Variants in WDR27 observed in about 807,000 individuals in gnomAD.
WDR27 encodes the protein WD repeat-containing protein 27.
A neutral mutation model predicts 114.4 loss-of-function variants in WDR27; 100 were observed. The ratio of observed to expected loss-of-function variants is 0.87; its 90% CI spans 0.74 to 1.03. The LOEUF (loss-of-function observed/expected upper bound fraction) is 1.03, where lower values mean the gene tolerates loss of function less well. Among genes scored for constraint, WDR27 ranks in the 50% least tolerant of loss-of-function variants. The pLI, the probability that WDR27 is intolerant of heterozygous loss-of-function variation, is 0.00. For synonymous variants in WDR27, 449 were observed against 423.1 expected (o/e 1.06, Z -0.75); for missense variants, 1,129 against 1,092.9 (o/e 1.03, Z -0.47).
At chr6:169,647,061 G>C (rs994228742) in intron 16 of WDR27, among the ~76,000 whole-genome samples, 1 of 152,156 alleles carries the variant, frequency 6.6e-6, no homozygotes, top group Non-Finnish European at 1.5e-5. Context: ...CAGGGGCACA[G>C]CTTGCCTGCA....
chr6:169,460,474 T>C (rs1784778350), intron 25 of WDR27, among the ~76,000 whole-genome samples: 1 of 152,062 alleles, frequency 6.6e-6, no homozygotes, highest in Non-Finnish European at 1.5e-5. Context: ...CTGAAGCATT[T>C]ACCTAAAAAA....
intron 23 of WDR27, among the ~76,000 whole-genome samples, chr6:169,584,923 A>G (rs145251356): frequency 9.9e-4 from 151 of 152,350 alleles, no homozygotes; most frequent in Middle Eastern, 3.4e-3. Flanking sequence ...TTACAAAGCT[A>G]TAATAACTAA....
the WDR27 span, among the ~76,000 whole-genome samples, chr6:169,446,592 G>A: frequency 2.6e-5 from 4 of 152,316 alleles, no homozygotes; most frequent in Middle Eastern, 3.4e-3. Context: ...TTATGTAATC[G>A]TGAAAGAAAA....
chr6:169,468,189 A>G (rs1785859040), intron 25 of WDR27, among the ~76,000 whole-genome samples: 1 of 152,220 alleles, frequency 6.6e-6, no homozygotes, highest in African/African-American at 2.4e-5. Context: ...ATCATTGTCC[A>G]TATCACTATC....
At chr6:169,657,428 G>A (rs951630026) in intron 13 of WDR27, among the ~76,000 whole-genome samples, 3 of 152,224 alleles carry the variant, frequency 2.0e-5, no homozygotes, top group Non-Finnish European at 4.4e-5. Context: ...CCCGGCCCGG[G>A]GAGAGGCCCA....
chr6:169,532,815 A>G (rs2128082276), intron 25 of WDR27, among the ~76,000 whole-genome samples: 1 of 152,088 alleles, frequency 6.6e-6, no homozygotes, highest in Admixed American at 6.5e-5. Flanking sequence ...AAAAACAGGA[A>G]AACTTAAAAT....
In WDR27 at chr6:169,658,770, G is replaced by A. The variant is rs573387901; in HGVS notation, c.1319+316C>T. On this transcript the variant is annotated intron_variant, in intron 12 of 25. Transcript: ENST00000448612. ...GCGATCTCAGCTCACTGCAAGCTCC[G>A]CCTCCCGGGTTCCCACCATTCTTCT... Among the ~76,000 whole-genome samples the A allele has an allele frequency of 4.0e-5, 6 of 150,110 alleles. No homozygotes were observed. In the East Asian group the frequency reaches 8.0e-4, roughly 20 times the overall value.
chr6:169,595,767 C>T (rs1472705548), intron 23 of WDR27, among the ~76,000 whole-genome samples: 1 of 142,272 alleles, frequency 7.0e-6, no homozygotes, highest in Non-Finnish European at 1.5e-5. Context: ...TTCAATCTTA[C>T]CTTGGTTTTA....
At chr6:169,641,704 G>A (rs112120311) in intron 17 of WDR27, among the ~76,000 whole-genome samples, 4,359 of 152,294 alleles carry the variant, frequency 0.029, 152 homozygotes, top group African/African-American at 0.085. Context: ...CAGGAGAGAT[G>A]CGCATCTTCA....
intron 25 of WDR27, among the ~76,000 whole-genome samples, chr6:169,503,757 A>G (rs1791639401): frequency 6.6e-6 from 1 of 151,578 alleles, no homozygotes; most frequent in Admixed American, 6.6e-5. Context: ...TGCATTTTCA[A>G]TTTCTAGTCA....
intron 16 of WDR27, among the ~76,000 whole-genome samples, chr6:169,645,008 C>CAAAAAAA (rs1194294838): frequency 1.2e-4 from 1 of 8,184 alleles, no homozygotes; most frequent in Non-Finnish European, 1.9e-4. Flanking sequence ...GACTCCGTCT[C>CAAAAAAA]AAAAAAAAAA....
intron 2 of WDR27, among the ~76,000 whole-genome samples, chr6:169,687,387 G>GA (rs899661903): frequency 2.0e-5 from 3 of 151,650 alleles, no homozygotes; most frequent in African/African-American, 7.3e-5. Flanking sequence ...CAAATCAATA[G>GA]AAAAAAGACA....
At chr6:169,472,259 G>A (rs1786519324) in intron 25 of WDR27, among the ~76,000 whole-genome samples, 1 of 152,310 alleles carries the variant, frequency 6.6e-6, no homozygotes, top group South Asian at 2.1e-4. Flanking sequence ...GAGTCTGCTA[G>A]ATACATACAT....
At chr6:169,445,363 T>C in the WDR27 span, among the ~76,000 whole-genome samples, 1 of 152,146 alleles carries the variant, frequency 6.6e-6, no homozygotes, top group Non-Finnish European at 1.5e-5. Context: ...CCGCAGGTCA[T>C]GATCATGAGC....
At position 169,695,320 on chromosome 6, in the gene WDR27, G is replaced by A. The variant is rs191323078; in HGVS notation, c.-8+6231C>T. ...GGAGTGGCTCCTAGCTTTCTGGCCT[G>A]AACAACAAGAGACCCCACTTACTGA... On this transcript the variant is annotated intron_variant, in intron 1 of 25. Coordinates refer to ENST00000448612, the MANE Select transcript of WDR27 (RefSeq NM_182552.5). 8.5e-5 allele frequency among the ~76,000 whole-genome samples: 13 copies of A among 152,294 alleles called. No individual in the cohort carries two copies. The East Asian group carries it at 2.3e-3, about 27-fold the overall frequency.
chr6:169,647,645 A>G (rs1465581642), intron 16 of WDR27, 128 bp downstream of exon 16: 2 of 879,414 alleles, frequency 2.3e-6, no homozygotes, highest in African/African-American at 3.3e-5. Context: ...CATGCCATGC[A>G]ACTTCAAGTA....
At chr6:169,666,889 T>C in intron 6 of WDR27, 1 of 985,490 alleles carries the variant, frequency 1.0e-6, no homozygotes, top group Non-Finnish European at 1.2e-6. Context: ...AAACGTGCTT[T>C]ACTCCTCCAA....
chr6:169,488,943 C>T (rs1261757155), intron 25 of WDR27, among the ~76,000 whole-genome samples: 1 of 116,882 alleles, frequency 8.6e-6, no homozygotes, highest in African/African-American at 2.8e-5. Context: ...CATTTGATGC[C>T]CCCTTTTTTT....
chr6:169,689,594 G>A (rs985721001), intron 1 of WDR27, among the ~76,000 whole-genome samples: 7 of 152,206 alleles, frequency 4.6e-5, no homozygotes, highest in East Asian at 3.8e-4. Flanking sequence ...GCTATGTTTC[G>A]TAAAGCATAA....
Sources: allele counts gnomAD v4.1 joint callset (sites outside exome capture counted in the v4.1 genomes callset), GRCh38; gene constraint gnomAD v4.1.1; transcripts MANE v1.5; gene names NCBI Gene and HGNC (gene_info 2026-07-23, HGNC 2026-07-21).